Variants in SLC25A19 observed in about 807,000 individuals in gnomAD.
SLC25A19 encodes the protein mitochondrial thiamine pyrophosphate carrier.
In SLC25A19, 18 loss-of-function variants were observed where a neutral mutation model predicts 27.9. That is an observed-to-expected ratio of 0.64 (90% confidence interval 0.45 to 0.96). The LOEUF (loss-of-function observed/expected upper bound fraction) is 0.96, where lower values mean the gene tolerates loss of function less well. SLC25A19 is among the 40% of genes least tolerant of loss of function. The pLI is 0.00. For missense variants in SLC25A19, 371 were observed against 418.3 expected, an observed-to-expected ratio of 0.89 and a Z score of 0.99; for synonymous variants, 169 against 167.1, an observed-to-expected ratio of 1.01 and a Z score of -0.09.
Position 75,273,582 on chromosome 17 carries a change from C to T in SLC25A19, c.832G>A (p.Ala278Thr), listed in dbSNP as rs142956040. The T allele has an allele frequency of 3.3e-5, 54 of 1,613,750 alleles. No individual in the cohort carries two copies. Among genetic ancestry groups the T allele is most frequent in the African/African-American group, 6.7e-5 (5 of 74,920 alleles). ...GACAGGCCCTTGAAGAAGCCCAGGG[C>T]GCCTTCCTTTTGCAGCACCTGCTTG... ...CAKQVLQKEG[A>T]LGFFKGLSPS... The change falls in exon 8 of 8, where the codon GCC becomes ACC. Residue 278 changes from alanine (A) to threonine (T), a missense_variant. Coordinates refer to ENST00000416858, the MANE Select transcript of SLC25A19 (RefSeq NM_001126121.2).
rs768669571 is a variant in SLC25A19, at chr17:75,273,509, G to T, written c.905C>A (p.Ser302Ter). 1.2e-6 allele frequency: 2 copies of T among 1,614,064 alleles called. No individual in the cohort carries two copies. The highest frequency in any genetic ancestry group is 2.7e-5 in the African/African-American group (2 of 74,944). The change falls in exon 8 of 8, where the codon TCG becomes TAG. Residue 302 changes from serine to a stop codon, truncating the protein, a stop_gained. Coordinates refer to ENST00000416858, the MANE Select transcript of SLC25A19 (RefSeq NM_001126121.2). LOFTEE classifies it high-confidence loss of function. ...GAAGACATTACAGAAGAATTCATAC[G>T]AGAAGAACATGAAGCCTGTGGAGAG... ...AALSTGFMFF[S>*]YEFFCNVFHC...
chr17:75,286,567 A>T, intron 3 of SLC25A19, 66 bp downstream of exon 3: 1 of 1,614,044 alleles, frequency 6.2e-7, no homozygotes, highest in Non-Finnish European at 8.5e-7. Flanking sequence ...AAGTTTTAGG[A>T]ACTGCTTTTG....
Position 75,278,168 on chromosome 17 carries a change from G to A in SLC25A19, c.627C>T (p.Ala209=), listed in dbSNP as rs752580419. The change falls in exon 6 of 8, where the codon GCC becomes GCT. Residue 209 remains alanine (A), a synonymous_variant. Transcript: ENST00000416858. ...CTGCCTCACCATTTTTCTTTCCTTCGGCTGGTATGGCCCACTTGTACAGGT... is the reference window on the plus strand; with the variant it reads ...CTGCCTCACCATTTTTCTTTCCTTCAGCTGGTATGGCCCACTTGTACAGGT... The part of the protein sequence containing the change: ...LKHLYKWAIP[A]EGKKNENLQN... 6.8e-6 allele frequency: 11 copies of A among 1,613,524 alleles called. No individual in the cohort carries two copies. The highest frequency in any genetic ancestry group is 4.5e-5 in the East Asian group (2 of 44,876).
intron 5 of SLC25A19, 122 bp from the exon 6 acceptor site, chr17:75,278,457 G>C: frequency 9.2e-7 from 1 of 1,081,618 alleles, no homozygotes. Flanking sequence ...CCTCCTGCCA[G>C]GAAGACAGTC....
Position 75,273,484 on chromosome 17 carries a change from G to T in SLC25A19, c.930C>A (p.Phe310Leu), listed in dbSNP as rs886053391. 3 of 1,614,164 alleles carry T rather than the reference G, an allele frequency of 1.9e-6. No homozygotes were observed. The highest frequency in any genetic ancestry group is 2.5e-6 in the Non-Finnish European group (3 of 1,180,052). The change falls in exon 8 of 8, where the codon TTC becomes TTA. Residue 310 changes from phenylalanine to leucine, a missense_variant. Physicochemically the swap from Phe to Leu is conservative, Grantham distance 22. Coordinates refer to ENST00000416858, the MANE Select transcript of SLC25A19 (RefSeq NM_001126121.2). ...GGCTGGCTGTCCTGTTCATGCAGTG[G>T]AAGACATTACAGAAGAATTCATACG... Reference protein sequence around the residue: ...FFSYEFFCNVFHCMNRTASQR With the variant: ...FFSYEFFCNVLHCMNRTASQR
intron 7 of SLC25A19, among the ~76,000 whole-genome samples, chr17:75,276,288 A>G (rs1314386626): frequency 6.6e-6 from 1 of 152,206 alleles, no homozygotes; most frequent in Non-Finnish European, 1.5e-5. Context: ...AACAAAAACA[A>G]AAACAAAAAA....
rs140613554 is a variant in SLC25A19 at position 75,283,463 on chromosome 17, T to C, written c.419A>G (p.Asp140Gly). Residue 140 changes from aspartate to glycine, a missense_variant, in exon 5 of 8, where the codon GAT (aspartate) becomes GGT (glycine). Physicochemically the swap from Asp to Gly is moderately conservative, Grantham distance 94. Coordinates refer to ENST00000416858, the MANE Select transcript of SLC25A19 (RefSeq NM_001126121.2). ...AGCTGCAAAGCGGGTGCGCAGAACA[T>C]CCACGGGGTGCACAGTGAGGGTGGC... ...CMATLTVHPV[D>G]VLRTRFAAQG... is the part of the protein sequence containing the mutation. The C allele has an allele frequency of 6.2e-7, 1 of 1,612,814 alleles. No individual in the cohort carries two copies. The highest frequency in any genetic ancestry group is 8.5e-7 in the Non-Finnish European group (1 of 1,179,820).
At position 75,283,603 on chromosome 17, in the gene SLC25A19, T is replaced by C; in HGVS notation, c.289-10A>G. The C allele has an allele frequency of 1.2e-6, 2 of 1,612,306 alleles. No individual in the cohort carries two copies. The highest frequency in any genetic ancestry group is 1.7e-6 in the Non-Finnish European group (2 of 1,179,162). Reference sequence around the variant, plus strand: ...TTTCAAATGACAAGAACTGCAAGAGTAAGTGAAGAAGTCACCGACAGCCCA... The same window carrying C: ...TTTCAAATGACAAGAACTGCAAGAGCAAGTGAAGAAGTCACCGACAGCCCA... On this transcript the variant is annotated splice_polypyrimidine_tract_variant and intron_variant, in intron 4 of 7. Transcript: ENST00000416858.
chr17:75,278,388 G>A lies in SLC25A19; in HGVS notation c.460-53C>T, dbSNP rs1318853424. ...GCTCAGTGAAGTGGTTTTAGCCCTGGAACAGCCCATCATAGCTCTGTCCCC... is the reference window on the plus strand; with the variant it reads ...GCTCAGTGAAGTGGTTTTAGCCCTGAAACAGCCCATCATAGCTCTGTCCCC... On this transcript the variant is annotated intron_variant, in intron 5 of 7. Coordinates refer to ENST00000416858, the MANE Select transcript of SLC25A19 (RefSeq NM_001126121.2). 3 of 1,601,472 alleles carry A rather than the reference G, an allele frequency of 1.9e-6. No individual in the cohort carries two copies. The African/African-American group carries it at 4.1e-5, about 22-fold the overall frequency.
At chr17:75,283,982 C>T (rs936018060) in intron 4 of SLC25A19, among the ~76,000 whole-genome samples, 9 of 152,126 alleles carry the variant, frequency 5.9e-5, no homozygotes, top group African/African-American at 2.2e-4. Context: ...GGCATGGTGG[C>T]GGGCACCTGT....
intron 5 of SLC25A19, among the ~76,000 whole-genome samples, chr17:75,279,084 C>T (rs1223329055): frequency 3.3e-5 from 5 of 151,716 alleles, no homozygotes; most frequent in Non-Finnish European, 7.4e-5. Context: ...TCTCGAACTC[C>T]TGACCTCAAG....
intron 4 of SLC25A19, 87 bp from the exon 5 acceptor site, chr17:75,283,680 G>A (rs572170537): frequency 1.2e-5 from 17 of 1,376,120 alleles, no homozygotes; most frequent in East Asian, 2.4e-5. Context: ...CCGTGACCCG[G>A]CTGGGGCCCA....
Position 75,283,592 on chromosome 17 carries a change from A to G in SLC25A19, c.290T>C (p.Phe97Ser). The change falls in exon 5 of 8, where the codon TTC becomes TCC. Residue 97 changes from phenylalanine (F) to serine (S), a missense_variant and splice_region_variant. Transcript: ENST00000416858. ...CTCCGTCAGCATTTCAAATGACAAGAACTGCAAGAGTAAGTGAAGAAGTCA... is the reference window on the plus strand; with the variant it reads ...CTCCGTCAGCATTTCAAATGACAAGGACTGCAAGAGTAAGTGAAGAAGTCA... The part of the protein sequence containing the change: ...ILSIGYGAVQ[F>S]LSFEMLTELV... 1 of 1,613,060 alleles carries G rather than the reference A, an allele frequency of 6.2e-7. No homozygotes were observed. The highest frequency in any genetic ancestry group is 8.5e-7 in the Non-Finnish European group (1 of 1,179,506).
At chr17:75,288,944 G>C (rs2145793287) in intron 1 of SLC25A19, 1 of 152,414 alleles carries the variant, frequency 6.6e-6, no homozygotes. Flanking sequence ...CGCCCATCTG[G>C]GCAGAAAGGA....
At chr17:75,286,256 A>G (rs1417361315) in intron 4 of SLC25A19, 48 bp downstream of exon 4, 2 of 1,606,732 alleles carry the variant, frequency 1.2e-6, no homozygotes, top group East Asian at 4.5e-5. Context: ...CTGCTCCTCC[A>G]CTGAGCAACG....
chr17:75,284,724 C>T (rs1000576481), intron 4 of SLC25A19, among the ~76,000 whole-genome samples: 2 of 150,980 alleles, frequency 1.3e-5, no homozygotes, highest in Non-Finnish European at 2.9e-5. Flanking sequence ...CTCACTGCAG[C>T]CTCAACCTCC....
intron 1 of SLC25A19, chr17:75,288,929 T>C (rs1001375413): frequency 6.6e-6 from 1 of 152,220 alleles, no homozygotes; most frequent in Admixed American, 6.5e-5. Context: ...GAGCAGCGTG[T>C]TTCCCGCCCA....
chr17:75,279,922 A>C (rs2077996276), intron 5 of SLC25A19, among the ~76,000 whole-genome samples: 1 of 152,042 alleles, frequency 6.6e-6, no homozygotes, highest in Non-Finnish European at 1.5e-5. Flanking sequence ...TCAATCTTCC[A>C]AGTAGCTGGG....
chr17:75,283,021 C>T (rs1392818550), intron 5 of SLC25A19, among the ~76,000 whole-genome samples: 4 of 141,956 alleles, frequency 2.8e-5, no homozygotes, highest in African/African-American at 5.3e-5. Flanking sequence ...AAAAATAGGC[C>T]GGGCGCAGTG....
Sources: gnomAD v4.1 joint callset for allele counts (sites outside exome capture counted in the v4.1 genomes callset) on GRCh38, gnomAD v4.1.1 for gene constraint, MANE v1.5 for transcripts, NCBI Gene and HGNC (gene_info 2026-07-23, HGNC 2026-07-21) for gene names.